The following FARP1 variants were observed in gnomAD, a reference collection of about 807,000 sequenced individuals.
FARP1 encodes the protein FERM, ARH/RhoGEF and pleckstrin domain protein 1, also known as FERM, ARHGEF and pleckstrin domain-containing protein 1.
A neutral mutation model predicts 128.8 loss-of-function variants in FARP1; 52 were observed. That is an observed-to-expected ratio of 0.40 (90% CI 0.32 to 0.51). The LOEUF (loss-of-function observed/expected upper bound fraction) is 0.51. Among genes scored for constraint, FARP1 ranks in the 20% least tolerant of loss-of-function variants. The pLI is 0.45. For synonymous variants in FARP1, 580 were observed against 551.8 expected (o/e 1.05, Z -0.72); for missense variants, 1,333 against 1,367.9 (o/e 0.97, Z 0.40).
Position 98,453,276 on chromosome 13 carries a change from A to G in FARP1, c.*4959A>G. The G allele has an allele frequency of 6.6e-7, 1 of 1,508,420 alleles. No individual in the cohort carries two copies. The highest frequency in any genetic ancestry group is 9.0e-7 in the Non-Finnish European group (1 of 1,108,778). The allele number at this position is 1,508,420 out of a possible 1,614,324, so 93.4% of individuals were successfully genotyped here. A position where few individuals can be genotyped will look rare whatever the true frequency, so the allele number is the denominator to read the frequency against. ...CTCATCCCTGTGCAAAAATTCATAT[A>G]GTAACCAAAATCTTAGTTTTCATAA... On this transcript the variant is annotated 3_prime_UTR_variant, in exon 27 of 27. Coordinates refer to ENST00000319562, the MANE Select transcript of FARP1 (RefSeq NM_005766.4).
At chr13:98,149,629 T>G (rs1186298521) in intron 1 of FARP1, among the ~76,000 whole-genome samples, 1 of 81,414 alleles carries the variant, frequency 1.2e-5, no homozygotes, top group Non-Finnish European at 3.4e-5. Context: ...TGTAGTGATA[T>G]CTCACTGTGG....
chr13:98,246,904 A>C (rs1156624047), intron 2 of FARP1, among the ~76,000 whole-genome samples: 2 of 152,290 alleles, frequency 1.3e-5, no homozygotes, highest in East Asian at 3.9e-4. Flanking sequence ...CACAGAACCG[A>C]GGGCTGGAAC....
intron 2 of FARP1, among the ~76,000 whole-genome samples, chr13:98,335,731 A>G (rs1594416432): frequency 6.6e-6 from 1 of 152,344 alleles, no homozygotes; most frequent in South Asian, 2.1e-4. Flanking sequence ...CCTGGTCAAA[A>G]TCTGCCAAAG....
At position 98,391,143 on chromosome 13, in the gene FARP1, G is replaced by A. The variant is rs575275663; in HGVS notation, c.1088+263G>A. Among the ~76,000 whole-genome samples, 28 of 152,286 alleles carry A rather than the reference G, an allele frequency of 1.8e-4. No individual in the cohort carries two copies. The South Asian group carries it at 5.4e-3, about 29-fold the overall frequency. ...GGACATACTGGGGAAGGAGAGAAGG[G>A]CTTAGGACATCACAGTGGGGGATGA... On this transcript the variant is annotated intron_variant, in intron 11 of 26. Coordinates refer to ENST00000319562, the MANE Select transcript of FARP1 (RefSeq NM_005766.4).
At chr13:98,193,393 A>C (rs1313532727) in intron 1 of FARP1, among the ~76,000 whole-genome samples, 1 of 152,186 alleles carries the variant, frequency 6.6e-6, no homozygotes, top group African/African-American at 2.4e-5. Flanking sequence ...CCCTCATAGA[A>C]GCAGCCAGCT....
In FARP1 at chr13:98,170,871, G is replaced by A. The variant is rs558559370; in HGVS notation, c.-24+27379G>A. ...CATTTTGCAGGCTTTTCTTGAATGC[G>A]TACTGATCTTTGGCTGATCCAAGGC... On this transcript the variant is annotated intron_variant, in intron 1 of 26. Coordinates refer to ENST00000319562, the MANE Select transcript of FARP1 (RefSeq NM_005766.4). 1.2e-4 allele frequency among the ~76,000 whole-genome samples: 19 copies of A among 152,258 alleles called. 1 individual carries two copies. The highest frequency in any genetic ancestry group is 2.9e-4 in the African/African-American group (12 of 41,550).
At chr13:98,170,684 G>A (rs1195335722) in intron 1 of FARP1, among the ~76,000 whole-genome samples, 2 of 151,766 alleles carry the variant, frequency 1.3e-5, no homozygotes, top group African/African-American at 4.8e-5. Flanking sequence ...TAGAGACAGG[G>A]TTTTACCATG....
chr13:98,426,444 C>T (rs936908519), intron 17 of FARP1, among the ~76,000 whole-genome samples: 7 of 152,130 alleles, frequency 4.6e-5, no homozygotes, highest in African/African-American at 1.4e-4. Flanking sequence ...GAGCCATGAT[C>T]GCGCCACTGC....
chr13:98,344,869 T>G (rs1340156495), intron 3 of FARP1, among the ~76,000 whole-genome samples: 1 of 152,198 alleles, frequency 6.6e-6, no homozygotes, highest in African/African-American at 2.4e-5. Context: ...CAAGATTCCC[T>G]GACTCCCAGC....
chr13:98,341,858 A>T lies in FARP1; in HGVS notation c.172-1904A>T, dbSNP rs530005175. Among the ~76,000 whole-genome samples, 9 of 152,314 alleles carry T rather than the reference A, an allele frequency of 5.9e-5. No homozygotes were observed. In the South Asian group the frequency reaches 1.9e-3, roughly 32 times the overall value. On this transcript the variant is annotated intron_variant, in intron 2 of 26. Transcript: ENST00000319562. The stretch of plus-strand genomic sequence containing the variant: ...TAATATTCCCTTTCCCTATAGATCC[A>T]GTATGTAGAAAATGCATGAATAGTA...
intron 11 of FARP1, among the ~76,000 whole-genome samples, 192 bp downstream of exon 11, chr13:98,391,072 G>A (rs1394526820): frequency 2.6e-5 from 4 of 152,082 alleles, no homozygotes; most frequent in South Asian, 2.1e-4. Context: ...GCACACCCTC[G>A]AGAGTGAGAT....
At chr13:98,344,697 G>C (rs566466719) in intron 3 of FARP1, among the ~76,000 whole-genome samples, 1 of 152,198 alleles carries the variant, frequency 6.6e-6, no homozygotes, top group Admixed American at 6.5e-5. Flanking sequence ...CAGCATCTAC[G>C]GGAAGAGCCG....
chr13:98,408,959 A>G (rs558897243), intron 13 of FARP1, among the ~76,000 whole-genome samples: 1 of 151,772 alleles, frequency 6.6e-6, no homozygotes, highest in African/African-American at 2.4e-5. Flanking sequence ...TGTATTTTCT[A>G]ATCATTTCCC....
At chr13:98,161,215 ATTTTTTTT>A (rs1237544014) in intron 1 of FARP1, among the ~76,000 whole-genome samples, 1 of 136,910 alleles carries the variant, frequency 7.3e-6, no homozygotes, top group Non-Finnish European at 1.6e-5. Context: ...TGCTTCAGTA[ATTTTTTTT>A]TTTTTTTTTG....
chr13:98,405,849 G>A (rs1167300759), intron 13 of FARP1: 3 of 152,202 alleles, frequency 2.0e-5, no homozygotes, highest in Non-Finnish European at 2.9e-5. Context: ...ATTTCATGGA[G>A]TAGCAATGAA....
chr13:98,265,369 G>A (rs1291561828), intron 2 of FARP1, among the ~76,000 whole-genome samples: 1 of 133,740 alleles, frequency 7.5e-6, no homozygotes, highest in Non-Finnish European at 1.5e-5. Context: ...GCCCAGGCTG[G>A]AGTGCAGTGG....
At chr13:98,406,119 A>G (rs1342795166) in intron 13 of FARP1, 3 of 152,202 alleles carry the variant, frequency 2.0e-5, no homozygotes, top group African/African-American at 7.2e-5. Flanking sequence ...TGGTATGGAC[A>G]CCAGTTTGTA....
intron 13 of FARP1, chr13:98,396,773 G>A (rs1235013113): frequency 3.2e-6 from 1 of 315,482 alleles, no homozygotes; most frequent in African/African-American, 2.1e-5. Flanking sequence ...TTGAAGGCTA[G>A]GAAGAAACAC....
chr13:98,350,630 C>T (rs1397439623), intron 3 of FARP1, among the ~76,000 whole-genome samples: 1 of 152,174 alleles, frequency 6.6e-6, no homozygotes, highest in African/African-American at 2.4e-5. Context: ...TGATCCTTCC[C>T]TGTGCTCCTC....
Sources: allele counts gnomAD v4.1 joint callset (sites outside exome capture counted in the v4.1 genomes callset), GRCh38; gene constraint gnomAD v4.1.1; transcripts MANE v1.5; gene names NCBI Gene and HGNC (gene_info 2026-07-23, HGNC 2026-07-21).